SCN2A: variants seen among roughly 807,000 people sequenced by gnomAD.
The protein encoded by SCN2A is sodium voltage-gated channel alpha subunit 2.
Under a neutral mutation model 188.7 loss-of-function variants are expected in SCN2A, and 20 were observed. That is an observed-to-expected ratio of 0.11 (90% confidence interval 0.07 to 0.15). SCN2A has a LOEUF of 0.15. SCN2A is among the 10% of genes least tolerant of loss of function. The pLI, the probability that SCN2A is intolerant of heterozygous loss-of-function variation, is 1.00. For synonymous variants in SCN2A, 804 were observed against 833.1 expected, an observed-to-expected ratio of 0.97 and a Z score of 0.60; for missense variants, 1,278 against 2,445.0, an observed-to-expected ratio of 0.52 and a Z score of 10.07.
intron 1 of SCN2A, among the ~76,000 whole-genome samples, chr2:165,278,498 T>G (rs1695441599): frequency 6.6e-6 from 1 of 152,122 alleles, no homozygotes; most frequent in Admixed American, 6.5e-5. Context: ...AGAACAGCAC[T>G]GGGGAAACCA....
chr2:165,273,573 C>A (rs936258699), intron 1 of SCN2A: 3 of 151,900 alleles, frequency 2.0e-5, no homozygotes, highest in Admixed American at 1.3e-4. Context: ...GAACTAAAAC[C>A]ATTCTCTCTC....
intron 17 of SCN2A, among the ~76,000 whole-genome samples, chr2:165,355,892 G>T (rs973465518): frequency 7.3e-5 from 11 of 151,648 alleles, no homozygotes; most frequent in Admixed American, 7.2e-4. Context: ...CCAGCTACTC[G>T]GGAGGCTGAG....
At chr2:165,309,273 A>G (rs879098149) in intron 5 of SCN2A, 79 bp from the exon 6 acceptor site, 11 of 1,613,498 alleles carry the variant, frequency 6.8e-6, no homozygotes, top group East Asian at 2.2e-5. Context: ...AGAAAATGGT[A>G]TAAGGTGGTA....
intron 1 of SCN2A, among the ~76,000 whole-genome samples, chr2:165,250,460 T>G (rs1694035734): frequency 6.7e-6 from 1 of 149,962 alleles, no homozygotes; most frequent in African/African-American, 2.5e-5. Context: ...TAATTATAAT[T>G]TAGGGAAACG....
intron 13 of SCN2A, chr2:165,327,503 A>C (rs7596560): frequency 0.75 from 123,896 of 165,934 alleles, 47,353 homozygotes; most frequent in Non-Finnish European, 0.84. Context: ...CTTTAGTTGC[A>C]GATTTTATCT....
At chr2:165,384,405 C>T (rs1247326022) in intron 25 of SCN2A, among the ~76,000 whole-genome samples, 2 of 152,062 alleles carry the variant, frequency 1.3e-5, no homozygotes, top group African/African-American at 4.8e-5. Flanking sequence ...CTTGTTCCAG[C>T]ATATTTGACA....
In SCN2A at chr2:165,315,905, C is replaced by T; in HGVS notation, c.1671+147C>T. The stretch of plus-strand genomic sequence containing the variant: ...TTATCAAGTGTTTTGGCTATCACTT[C>T]AGAGAATTTGTGAGTTTTGCAACTT... On this transcript the variant is annotated intron_variant, in intron 11 of 26. Coordinates refer to ENST00000375437, the MANE Select transcript of SCN2A (RefSeq NM_001040142.2). 3 of 999,238 alleles carry T rather than the reference C, an allele frequency of 3.0e-6. No homozygotes were observed. The South Asian group carries it at 5.3e-5, about 18-fold the overall frequency. 61.9% of individuals were successfully genotyped at this position (999,238 alleles called of 1,614,324 possible).
intron 1 of SCN2A, among the ~76,000 whole-genome samples, chr2:165,243,349 T>C (rs1693702091): frequency 6.6e-6 from 1 of 152,120 alleles, no homozygotes; most frequent in Non-Finnish European, 1.5e-5. Context: ...ATGCCTTTAC[T>C]CCCAGCACTT....
intron 14 of SCN2A, among the ~76,000 whole-genome samples, chr2:165,341,671 G>A (rs1699328642): frequency 6.6e-6 from 1 of 152,208 alleles, no homozygotes; most frequent in African/African-American, 2.4e-5. Flanking sequence ...TCACCTCTAA[G>A]ACGCTGAAGT....
At chr2:165,256,963 T>G (rs1694355957) in intron 1 of SCN2A, among the ~76,000 whole-genome samples, 1 of 152,190 alleles carries the variant, frequency 6.6e-6, no homozygotes, top group Non-Finnish European at 1.5e-5. Context: ...TAGTTCAACT[T>G]GTAACAAAGT....
chr2:165,374,391 T>G (rs937095384), intron 21 of SCN2A, among the ~76,000 whole-genome samples: 3 of 152,114 alleles, frequency 2.0e-5, no homozygotes, highest in Non-Finnish European at 4.4e-5. Flanking sequence ...TGCCACTGTT[T>G]ATACTCTTAA....
chr2:165,251,393 G>T (rs929265194), intron 1 of SCN2A, among the ~76,000 whole-genome samples: 1 of 151,898 alleles, frequency 6.6e-6, no homozygotes, highest in South Asian at 2.1e-4. Flanking sequence ...AAAGTCAAAG[G>T]GTGTATTTTT....
chr2:165,308,848 C>G, intron 5 of SCN2A, 54 bp downstream of exon 5: 2 of 1,605,422 alleles, frequency 1.2e-6, no homozygotes, highest in Non-Finnish European at 1.7e-6. Context: ...TGGTGGGAGC[C>G]TATACTATAT....
rs1298649736 is a variant in SCN2A at position 165,291,568 on chromosome 2, CCTTCCTT to C, written c.-51-4204_-51-4198del. On this transcript the variant is annotated intron_variant, in intron 1 of 26. Transcript: ENST00000375437. ...TCCTTCCTTCCTTCCTTCCTTCCTT[CCTTCCTT>C]TCTCTCTCTCTCTCTCTCTCTCTCT... Among the ~76,000 whole-genome samples, 115 of 71,362 alleles carry C rather than the reference CCTTCCTT, an allele frequency of 1.6e-3. 1 individual carries two copies. The highest frequency in any genetic ancestry group is 1.1e-3 in the Non-Finnish European group (35 of 31,454). 46.8% of individuals were successfully genotyped at this position (71,362 alleles called of 152,430 possible). A position where few individuals can be genotyped will look rare whatever the true frequency, so the allele number is the denominator to read the frequency against.
chr2:165,360,825 C>A (rs950023515), intron 17 of SCN2A, among the ~76,000 whole-genome samples: 6 of 151,940 alleles, frequency 3.9e-5, no homozygotes, highest in Non-Finnish European at 5.9e-5. Flanking sequence ...CTAGCCAGTT[C>A]ATATTTTGGT....
chr2:165,325,703 TAA>T (rs1698320161), intron 12 of SCN2A, among the ~76,000 whole-genome samples: 2 of 152,166 alleles, frequency 1.3e-5, no homozygotes, highest in African/African-American at 4.8e-5. Flanking sequence ...CCCTTTGGAT[TAA>T]AAGACTTTTA....
chr2:165,318,598 C>T (rs886628212), intron 11 of SCN2A, among the ~76,000 whole-genome samples: 12 of 152,190 alleles, frequency 7.9e-5, no homozygotes, highest in Admixed American at 3.9e-4. Context: ...ATGTAAACTA[C>T]GTTTTTGTAT....
At chr2:165,240,358 G>C (rs896905280) in intron 1 of SCN2A, among the ~76,000 whole-genome samples, 2 of 152,096 alleles carry the variant, frequency 1.3e-5, no homozygotes, top group Non-Finnish European at 2.9e-5. Flanking sequence ...TGATATTATA[G>C]AAGGTGCTCA....
chr2:165,353,915 T>C (rs1436619771), intron 16 of SCN2A, among the ~76,000 whole-genome samples: 3 of 134,024 alleles, frequency 2.2e-5, no homozygotes, highest in Non-Finnish European at 5.4e-5. Context: ...TTGTCTATAT[T>C]TATCTTTTGG....
Sources: allele counts gnomAD v4.1 joint callset (sites outside exome capture counted in the v4.1 genomes callset), GRCh38; gene constraint gnomAD v4.1.1; transcripts MANE v1.5; gene names NCBI Gene and HGNC (gene_info 2026-07-23, HGNC 2026-07-21).